APEX1: variants seen among roughly 807,000 people sequenced by gnomAD.
APEX1 encodes the protein DNA repair nuclease/redox regulator APEX1.
Under a neutral mutation model 33.2 loss-of-function variants are expected in APEX1, and 32 were observed. The observed-to-expected ratio is 0.96, with a 90% CI of 0.73 to 1.29. The LOEUF (loss-of-function observed/expected upper bound fraction) is 1.29, where lower values mean the gene tolerates loss of function less well. Ranked by LOEUF, APEX1 falls within the 50% of genes most tolerant of loss-of-function variation. APEX1 has a pLI of 0.00. For synonymous variants in APEX1, 175 were observed against 156.6 expected, an observed-to-expected ratio of 1.12 and a Z score of -0.88; for missense variants, 442 against 395.6, an observed-to-expected ratio of 1.12 and a Z score of -0.99.
chr14:20,455,537 C>G, intron 1 of APEX1, 41 bp from the exon 2 acceptor site: 1 of 1,582,544 alleles, frequency 6.3e-7, no homozygotes, highest in South Asian at 1.1e-5. Context: ...GGAGTCTTCT[C>G]CCCAGCCTTA....
intron 4 of APEX1, 50 bp from the exon 5 acceptor site, chr14:20,456,941 C>T (rs879539407): frequency 2.0e-5 from 32 of 1,604,630 alleles, no homozygotes; most frequent in Non-Finnish European, 2.7e-5. Flanking sequence ...CTCTTGATTG[C>T]TTTCCCTTTT....
In APEX1 at chr14:20,457,232, A is replaced by G. The variant is rs748022131; in HGVS notation, c.681A>G (p.Lys227=). The change falls in exon 5 of 5, where the codon AAA becomes AAG. Residue 227 remains lysine (K), a synonymous_variant. Coordinates refer to ENST00000216714, the MANE Select transcript of APEX1 (RefSeq NM_001641.4). ...ACCTTCGCAACCCCAAGGGGAACAA[A>G]AAGAATGCTGGCTTCACGCCACAAG... The part of the protein sequence containing the change: ...EIDLRNPKGN[K]KNAGFTPQER... The G allele has an allele frequency of 3.7e-5, 59 of 1,614,112 alleles. No individual in the cohort carries two copies. The highest frequency in any genetic ancestry group is 3.7e-5 in the Non-Finnish European group (44 of 1,180,042).
In APEX1 at chr14:20,457,149, G is replaced by A. The variant is rs762137315; in HGVS notation, c.598G>A (p.Ala200Thr). The A allele has an allele frequency of 1.2e-6, 2 of 1,614,042 alleles. No individual in the cohort carries two copies. The highest frequency in any genetic ancestry group is 2.7e-5 in the African/African-American group (2 of 74,900). The part of the protein sequence containing the change: ...EAFRKFLKGL[A>T]SRKPLVLCGD... ...CTTTCGCAAGTTCCTGAAGGGCCTG[G>A]CTTCCCGAAAGCCCCTTGTGCTGTG... Residue 200 changes from alanine (A) to threonine (T), a missense_variant, in exon 5 of 5, where the codon GCT becomes ACT. Transcript: ENST00000216714.
At position 20,455,598 on chromosome 14, in the gene APEX1, C is replaced by T. The variant is rs1380736272; in HGVS notation, c.-48C>T. The stretch of plus-strand genomic sequence containing the variant: ...TGTAGGCAACGCGGTAAAAATATTG[C>T]TTCGGTGGGTGACGCGGTACAGCTG... On this transcript the variant is annotated 5_prime_UTR_variant, in exon 2 of 5. Coordinates refer to ENST00000216714, the MANE Select transcript of APEX1 (RefSeq NM_001641.4). The T allele has an allele frequency of 1.2e-6, 2 of 1,612,426 alleles. No homozygotes were observed. The highest frequency in any genetic ancestry group is 8.5e-7 in the Non-Finnish European group (1 of 1,180,020).
In APEX1 at chr14:20,457,129, G is replaced by A. The variant is rs367614890; in HGVS notation, c.578G>A (p.Arg193His). ...CGGCAGCGCTGGGATGAAGCCTTTC[G>A]CAAGTTCCTGAAGGGCCTGGCTTCC... ...EYRQRWDEAF[R>H]KFLKGLASRK... is the part of the protein sequence containing the mutation. Residue 193 changes from arginine to histidine, a missense_variant, in exon 5 of 5, where the codon CGC (arginine) becomes CAC (histidine). Coordinates refer to ENST00000216714, the MANE Select transcript of APEX1 (RefSeq NM_001641.4). 55 of 1,614,036 alleles carry A rather than the reference G, an allele frequency of 3.4e-5. No individual in the cohort carries two copies. The highest frequency in any genetic ancestry group is 1.1e-4 in the East Asian group (5 of 44,892).
In APEX1 at chr14:20,455,617, A is replaced by G. The variant is rs760641928; in HGVS notation, c.-29A>G. 6.2e-7 allele frequency: 1 copy of G among 1,612,726 alleles called. No homozygotes were observed. Among genetic ancestry groups the G allele is most frequent in the Non-Finnish European group, 8.5e-7 (1 of 1,180,020 alleles). On this transcript the variant is annotated 5_prime_UTR_variant, in exon 2 of 5. Coordinates refer to ENST00000216714, the MANE Select transcript of APEX1 (RefSeq NM_001641.4). ...ATATTGCTTCGGTGGGTGACGCGGT[A>G]CAGCTGCCCAAGGGCGTTCGTAACG... is the stretch of plus-strand genomic sequence containing the variant.
chr14:20,457,668 TTTTA>T lies in APEX1; in HGVS notation c.*164_*167del, dbSNP rs1231584626. The T allele has an allele frequency of 9.7e-6, 10 of 1,036,268 alleles. No individual in the cohort carries two copies. The highest frequency in any genetic ancestry group is 5.8e-5 in the South Asian group (4 of 69,138). 64.2% of individuals were successfully genotyped at this position (1,036,268 alleles called of 1,614,324 possible). A position where few individuals can be genotyped will look rare whatever the true frequency, so the allele number is the denominator to read the frequency against. On this transcript the variant is annotated 3_prime_UTR_variant, in exon 5 of 5. Transcript: ENST00000216714. ...ATAGAGTTCTTTTAAGCCCAAGATT[TTTTA>T]TTTGAGGGTTTTTTGTTTTTTAAAA...
chr14:20,457,261 G>T lies in APEX1; in HGVS notation c.710G>T (p.Arg237Leu), dbSNP rs189916038. The T allele has an allele frequency of 5.0e-6, 8 of 1,614,228 alleles. No individual in the cohort carries two copies. In the South Asian group the frequency reaches 8.8e-5, roughly 18 times the overall value. The part of the protein sequence containing the change: ...KKNAGFTPQE[R>L]QGFGELLQAV... ...AATGCTGGCTTCACGCCACAAGAGC[G>T]CCAAGGCTTCGGGGAATTACTGCAG... The change falls in exon 5 of 5, where the codon CGC (arginine) becomes CTC (leucine). Residue 237 changes from arginine (R) to leucine (L), a missense_variant. By Grantham distance (102) the Arg-to-Leu change is moderately radical. Coordinates refer to ENST00000216714, the MANE Select transcript of APEX1 (RefSeq NM_001641.4).
Position 20,457,073 on chromosome 14 carries a change from T to TG in APEX1, c.523dup (p.Ala175GlyfsTer16). On this transcript the variant is annotated frameshift_variant, in exon 5 of 5. Coordinates refer to ENST00000216714, the MANE Select transcript of APEX1 (RefSeq NM_001641.4). LOFTEE classifies it high-confidence loss of function. ...TGCTGGTAACAGCATATGTACCTAA[T>TG]GCAGGCCGAGGTCTGGTACGACTGG... 6.2e-7 allele frequency: 1 copy of TG among 1,614,228 alleles called. No individual in the cohort carries two copies. The highest frequency in any genetic ancestry group is 8.5e-7 in the Non-Finnish European group (1 of 1,180,030).
intron 3 of APEX1, 57 bp downstream of exon 3, chr14:20,456,158 A>C: frequency 1.3e-6 from 2 of 1,583,098 alleles, no homozygotes; most frequent in Admixed American, 1.7e-5. Context: ...CTTAGGGTTT[A>C]GTCACCCCTT....
chr14:20,455,379 A>C lies in APEX1; in HGVS notation c.-84A>C. On this transcript the variant is annotated 5_prime_UTR_variant, in exon 1 of 5. Transcript: ENST00000216714. ...TAAGATCCTCAATTGGCTGGAGGGC[A>C]GATCTCGCGAGTAGGGTACAAGGCA... 3.6e-6 allele frequency: 2 copies of C among 556,770 alleles called. No homozygotes were observed. Among genetic ancestry groups the C allele is most frequent in the Non-Finnish European group, 3.2e-6 (1 of 311,520 alleles). The allele number at this position is 556,770 out of a possible 1,614,324, so 34.5% of individuals were successfully genotyped here.
In APEX1 at chr14:20,457,639, T is replaced by A. The variant is rs1474002496; in HGVS notation, c.*131T>A. On this transcript the variant is annotated 3_prime_UTR_variant, in exon 5 of 5. Transcript: ENST00000216714. ...ACTAGGAATCCTCCAACCAGGCTCCTGTGATAGAGTTCTTTTAAGCCCAAG... is the reference window on the plus strand; with the variant it reads ...ACTAGGAATCCTCCAACCAGGCTCCAGTGATAGAGTTCTTTTAAGCCCAAG... 2 of 1,315,404 alleles carry A rather than the reference T, an allele frequency of 1.5e-6. No homozygotes were observed. The highest frequency in any genetic ancestry group is 2.3e-5 in the East Asian group (1 of 43,246). 81.5% of individuals were successfully genotyped at this position (1,315,404 alleles called of 1,614,324 possible). A position where few individuals can be genotyped will look rare whatever the true frequency, so the allele number is the denominator to read the frequency against.
At chr14:20,456,619 T>C (rs757105291) in intron 3 of APEX1, 49 bp from the exon 4 acceptor site, 1 of 1,547,248 alleles carries the variant, frequency 6.5e-7, no homozygotes, top group Non-Finnish European at 8.9e-7. Flanking sequence ...ATTCAATAAA[T>C]GTTCTGCTGA....
intron 3 of APEX1, 38 bp downstream of exon 3, chr14:20,456,139 T>TTGAA (rs1566513234): frequency 6.2e-7 from 1 of 1,605,020 alleles, no homozygotes; most frequent in East Asian, 2.2e-5. Flanking sequence ...TTTTTTAGTA[T>TTGAA]TGAATGGTCT....
chr14:20,455,864 G>A, intron 2 of APEX1, 50 bp from the exon 3 acceptor site: 1 of 1,613,616 alleles, frequency 6.2e-7, no homozygotes, highest in Non-Finnish European at 8.5e-7. Flanking sequence ...ACGCCGGATC[G>A]CAGTTGGAAA....
At chr14:20,456,571 G>T in intron 3 of APEX1, 97 bp from the exon 4 acceptor site, 1 of 1,205,904 alleles carries the variant, frequency 8.3e-7, no homozygotes, top group East Asian at 2.3e-5. Flanking sequence ...CCAAGAGACT[G>T]TTTAACCCGT....
At chr14:20,455,434 G>T in intron 1 of APEX1, 40 bp downstream of exon 1, 1 of 717,232 alleles carries the variant, frequency 1.4e-6, no homozygotes, top group South Asian at 1.7e-5. Context: ...CGTGGGTGAG[G>T]GGCTGAAGGG....
In APEX1 at chr14:20,456,107, T is replaced by C; in HGVS notation, c.246+6T>C. 1 of 1,613,928 alleles carries C rather than the reference T, an allele frequency of 6.2e-7. No homozygotes were observed. Among genetic ancestry groups the C allele is most frequent in the South Asian group, 1.1e-5 (1 of 91,078 alleles). On this transcript the variant is annotated splice_donor_region_variant and intron_variant, in intron 3 of 4. Transcript: ENST00000216714. ...TTAAGAAGAAAGGATTAGATGTGAGTGGAATTTGAGGGAAAGAGACATTTT... is the reference window on the plus strand; with the variant it reads ...TTAAGAAGAAAGGATTAGATGTGAGCGGAATTTGAGGGAAAGAGACATTTT...
chr14:20,457,137 C>T lies in APEX1; in HGVS notation c.586C>T (p.Leu196=). The stretch of plus-strand genomic sequence containing the variant: ...CTGGGATGAAGCCTTTCGCAAGTTC[C>T]TGAAGGGCCTGGCTTCCCGAAAGCC... ...QRWDEAFRKF[L]KGLASRKPLV... is the part of the protein sequence containing the mutation. The change falls in exon 5 of 5, where the codon CTG becomes TTG. Residue 196 remains leucine (L), a synonymous_variant. Coordinates refer to ENST00000216714, the MANE Select transcript of APEX1 (RefSeq NM_001641.4). The T allele has an allele frequency of 6.2e-7, 1 of 1,614,194 alleles. No individual in the cohort carries two copies. The highest frequency in any genetic ancestry group is 8.5e-7 in the Non-Finnish European group (1 of 1,180,044).
Sources: gnomAD v4.1 joint callset for allele counts on GRCh38, gnomAD v4.1.1 for gene constraint, MANE v1.5 for transcripts, NCBI Gene and HGNC (gene_info 2026-07-23, HGNC 2026-07-21) for gene names.